Variants in FARS2 observed in about 807,000 individuals in gnomAD.
FARS2 encodes the protein phenylalanyl-tRNA synthetase 2, mitochondrial.
In FARS2, 40 loss-of-function variants were observed where a neutral mutation model predicts 46.4. The ratio of observed to expected loss-of-function variants is 0.86; its 90% confidence interval spans 0.67 to 1.12. FARS2 has a LOEUF of 1.12. Among genes scored for constraint, FARS2 ranks in the 50% most tolerant of loss-of-function variants. The probability of loss-of-function intolerance (pLI) is 0.00; values close to 1 mark genes in which losing one functional copy is unlikely to be tolerated. For missense variants in FARS2, 513 were observed against 567.9 expected (o/e 0.90, Z 0.98); for synonymous variants, 234 against 214.9 (o/e 1.09, Z -0.78).
chr6:5,259,039 T>C (rs935636174), upstream of FARS2, among the ~76,000 whole-genome samples: 1 of 152,188 alleles, frequency 6.6e-6, no homozygotes, highest in African/African-American at 2.4e-5. Context: ...AACAGTCTAT[T>C]TCATAAACAA....
At chr6:5,379,107 T>C (rs1759584813) in intron 2 of FARS2, among the ~76,000 whole-genome samples, 1 of 152,184 alleles carries the variant, frequency 6.6e-6, no homozygotes, top group South Asian at 2.1e-4. Context: ...AAATGTTAGT[T>C]TGTGTGTGCC....
intron 6 of FARS2, among the ~76,000 whole-genome samples, chr6:5,750,903 T>C (rs552980304): frequency 6.6e-6 from 1 of 152,166 alleles, no homozygotes; most frequent in Non-Finnish European, 1.5e-5. Flanking sequence ...TCTAAGTCTT[T>C]CGTCACCATC....
At chr6:5,584,860 A>C (rs1773529812) in intron 5 of FARS2, among the ~76,000 whole-genome samples, 3 of 152,228 alleles carry the variant, frequency 2.0e-5, no homozygotes, top group Non-Finnish European at 4.4e-5. Flanking sequence ...CATTTGCCAG[A>C]GAGTGGGGAG....
At chr6:5,759,980 G>A (rs1352851164) in intron 6 of FARS2, among the ~76,000 whole-genome samples, 1 of 152,166 alleles carries the variant, frequency 6.6e-6, no homozygotes, top group Non-Finnish European at 1.5e-5. Context: ...GTAGACGGAG[G>A]AGGTGCATCC....
chr6:5,764,902 CCTT>C lies in FARS2; in HGVS notation c.1218-6385_1218-6383del, dbSNP rs1446993162. 7.2e-5 allele frequency among the ~76,000 whole-genome samples: 11 copies of C among 152,120 alleles called. No individual in the cohort carries two copies. Among genetic ancestry groups the C allele is most frequent in the African/African-American group, 2.2e-4 (9 of 41,438 alleles). On this transcript the variant is annotated intron_variant, in intron 6 of 6. Transcript: ENST00000274680. This position sits in a 1 kb window ranked among gnomAD's most constrained non-coding sequence, Gnocchi z 4.1. ...GGCTTGAGAGTTCTTTAGAAAATCT[CCTT>C]CTTGGCACACTTTGAACTGGAGAGC...
intron 1 of FARS2, among the ~76,000 whole-genome samples, chr6:5,274,422 T>C (rs1310870281): frequency 6.6e-6 from 1 of 152,146 alleles, no homozygotes; most frequent in Non-Finnish European, 1.5e-5. Context: ...GTCTGGAAGG[T>C]TTCTAGGAAA....
chr6:5,314,540 A>T (rs917905306), intron 1 of FARS2, among the ~76,000 whole-genome samples: 1 of 152,170 alleles, frequency 6.6e-6, no homozygotes, highest in Non-Finnish European at 1.5e-5. Context: ...CTGAGCACTT[A>T]CCTTTTAGGA....
intron 6 of FARS2, among the ~76,000 whole-genome samples, chr6:5,726,520 T>C (rs1328019019): frequency 6.6e-6 from 1 of 152,208 alleles, no homozygotes; most frequent in African/African-American, 2.4e-5. Context: ...AGATAAACAG[T>C]GGCACTCGTG....
chr6:5,268,469 C>G (rs1283161596), intron 1 of FARS2, among the ~76,000 whole-genome samples: 1 of 152,110 alleles, frequency 6.6e-6, no homozygotes, highest in Non-Finnish European at 1.5e-5. Flanking sequence ...GAATCCTTTC[C>G]CCATTTCTTA....
chr6:5,534,531 C>G (rs78628021), intron 4 of FARS2, among the ~76,000 whole-genome samples: 6,355 of 152,088 alleles, frequency 0.042, 409 homozygotes, highest in African/African-American at 0.14. Flanking sequence ...TTTTGCCTGG[C>G]TTCTTTCACT....
chr6:5,756,364 G>A (rs1762204744), intron 6 of FARS2, among the ~76,000 whole-genome samples: 1 of 152,158 alleles, frequency 6.6e-6, no homozygotes, highest in Non-Finnish European at 1.5e-5. Flanking sequence ...CCCGAGACTG[G>A]GTAATTTGTG....
At chr6:5,725,434 T>A (rs1438592848) in intron 6 of FARS2, among the ~76,000 whole-genome samples, 1 of 152,222 alleles carries the variant, frequency 6.6e-6, no homozygotes, top group East Asian at 1.9e-4. Context: ...GCAGTTATTT[T>A]AAAATGGTTC....
intron 1 of FARS2, among the ~76,000 whole-genome samples, chr6:5,324,451 T>TC (rs1386649033): frequency 6.7e-6 from 1 of 150,174 alleles, no homozygotes; most frequent in Non-Finnish European, 1.5e-5. Flanking sequence ...TGCTTTTTTT[T>TC]TTTTTTTTTT....
intron 1 of FARS2, among the ~76,000 whole-genome samples, chr6:5,336,248 A>AC (rs1028352587): frequency 6.6e-6 from 1 of 152,124 alleles, no homozygotes; most frequent in African/African-American, 2.4e-5. Context: ...AGAAAAAAAA[A>AC]ACCTTAGTTC....
chr6:5,273,130 T>C (rs1473971515), intron 1 of FARS2, among the ~76,000 whole-genome samples: 1 of 152,234 alleles, frequency 6.6e-6, no homozygotes, highest in Non-Finnish European at 1.5e-5. Flanking sequence ...GAGTGCTGAT[T>C]ACAATGCACA....
intron 2 of FARS2, among the ~76,000 whole-genome samples, chr6:5,387,955 G>A (rs1048312401): frequency 1.3e-5 from 2 of 152,150 alleles, no homozygotes; most frequent in Non-Finnish European, 2.9e-5. Context: ...AGTACAGAAA[G>A]TTCCTGTATA....
At chr6:5,466,395 GT>G (rs1234999051) in intron 4 of FARS2, among the ~76,000 whole-genome samples, 56 of 152,082 alleles carry the variant, frequency 3.7e-4, no homozygotes, top group Admixed American at 2.2e-3. Context: ...TCTCCTTCCT[GT>G]TGCCCCCACT....
chr6:5,381,898 C>T (rs536993719), intron 2 of FARS2, among the ~76,000 whole-genome samples: 2 of 152,214 alleles, frequency 1.3e-5, no homozygotes, highest in South Asian at 2.1e-4. Flanking sequence ...AGTCTCTCTC[C>T]GAGGGCTGGG....
chr6:5,541,327 T>C (rs1429231614), intron 4 of FARS2, among the ~76,000 whole-genome samples: 1 of 152,198 alleles, frequency 6.6e-6, no homozygotes, highest in Admixed American at 6.5e-5. Flanking sequence ...AATGCCAGTT[T>C]GTTGAAGTAG....
Sources: allele counts gnomAD v4.1 joint callset (sites outside exome capture counted in the v4.1 genomes callset), GRCh38; gene constraint gnomAD v4.1.1; non-coding constraint Gnocchi (gnomAD v3.1); transcripts MANE v1.5; gene names NCBI Gene and HGNC (gene_info 2026-07-23, HGNC 2026-07-21).